DHRSX: variants seen among roughly 807,000 people sequenced by gnomAD.
DHRSX encodes the protein polyprenol dehydrogenase.
DHRSX carries 31 observed loss-of-function variants against 34.0 expected under a neutral mutation model. The observed-to-expected ratio is 0.91, with a 90% CI of 0.69 to 1.23. The LOEUF (loss-of-function observed/expected upper bound fraction) is 1.23, where lower values mean the gene tolerates loss of function less well. DHRSX is among the 50% of genes most tolerant of loss of function. The pLI is 0.00. For missense variants in DHRSX, 414 were observed against 428.1 expected (o/e 0.97, Z 0.29); for synonymous variants, 201 against 183.8 (o/e 1.09, Z -0.76).
At chrX:2,287,661 C>A (rs2041820503) in intron 4 of DHRSX, among the ~76,000 whole-genome samples, 1 of 152,206 alleles carries the variant, frequency 6.6e-6, no homozygotes, top group Non-Finnish European at 1.5e-5. Context: ...CATCCTAATC[C>A]CCATGTGGAA....
At chrX:2,491,996 C>A (rs1412983034) in intron 1 of DHRSX, among the ~76,000 whole-genome samples, 1 of 152,168 alleles carries the variant, frequency 6.6e-6, no homozygotes, top group African/African-American at 2.4e-5. Context: ...AATTGTGTCT[C>A]CAAGTGTCCA....
intron 5 of DHRSX, 41 bp from the exon 6 acceptor site, chrX:2,243,271 T>C (rs1196286776): frequency 6.4e-7 from 1 of 1,574,716 alleles, no homozygotes; most frequent in Non-Finnish European, 8.7e-7. Flanking sequence ...GCTGACGGCG[T>C]TCACGCCTAA....
At chrX:2,492,469 G>A (rs1028872039) in intron 1 of DHRSX, among the ~76,000 whole-genome samples, 3 of 151,168 alleles carry the variant, frequency 2.0e-5, no homozygotes, top group Admixed American at 2.0e-4. Context: ...TTGAACAGTG[G>A]CCCGCAGAAA....
chrX:2,392,961 T>C (rs2043353347), intron 3 of DHRSX, among the ~76,000 whole-genome samples: 1 of 143,562 alleles, frequency 7.0e-6, no homozygotes, highest in South Asian at 2.2e-4. Flanking sequence ...GTATATAATT[T>C]TATATTACAA....
At chrX:2,420,685 G>A (rs1160303399) in intron 2 of DHRSX, among the ~76,000 whole-genome samples, 9 of 151,796 alleles carry the variant, frequency 5.9e-5, no homozygotes, top group Non-Finnish European at 1.0e-4. Context: ...GGAGGTTGAA[G>A]TGAGCTGAGA....
intron 3 of DHRSX, among the ~76,000 whole-genome samples, chrX:2,311,714 T>C (rs1047414681): frequency 1.1e-4 from 17 of 152,176 alleles, no homozygotes; most frequent in Admixed American, 1.1e-3. Flanking sequence ...AGAACAATTC[T>C]GTCTCCAAGG....
At chrX:2,295,657 T>A (rs1459669801) in intron 3 of DHRSX, among the ~76,000 whole-genome samples, 3 of 152,176 alleles carry the variant, frequency 2.0e-5, no homozygotes, top group African/African-American at 7.2e-5. Flanking sequence ...TCATTCTGGA[T>A]AAAATATTAC....
intron 3 of DHRSX, among the ~76,000 whole-genome samples, chrX:2,331,469 C>T (rs1420056840): frequency 6.9e-5 from 3 of 43,198 alleles, no homozygotes; most frequent in Non-Finnish European, 2.0e-4. Flanking sequence ...TTTTTTGAGA[C>T]GGAGTTTTGC....
intron 3 of DHRSX, among the ~76,000 whole-genome samples, chrX:2,314,341 A>AAGGAGGGAGGGAGGGAGGG (rs2042206391): frequency 3.4e-4 from 1 of 2,902 alleles, no homozygotes; most frequent in Non-Finnish European, 7.1e-4. Flanking sequence ...GGAGGGAGGG[A>AAGGAGGGAGGGAGGGAGGG]AAGGAGGGAG....
chrX:2,412,864 G>A (rs1177896937), intron 2 of DHRSX, among the ~76,000 whole-genome samples: 1 of 152,122 alleles, frequency 6.6e-6, no homozygotes, highest in Admixed American at 6.6e-5. Flanking sequence ...TCACCCATAT[G>A]TAGAGTCTCC....
intron 1 of DHRSX, among the ~76,000 whole-genome samples, chrX:2,482,668 T>C (rs2044792414): frequency 6.6e-6 from 1 of 152,332 alleles, no homozygotes; most frequent in Admixed American, 6.5e-5. Flanking sequence ...AACCTAAACA[T>C]AATTCTTAGC....
intron 2 of DHRSX, among the ~76,000 whole-genome samples, chrX:2,415,971 C>G (rs779877800): frequency 2.1e-4 from 32 of 151,314 alleles, no homozygotes; most frequent in African/African-American, 7.0e-4. Context: ...TCATCATGAC[C>G]AACCCAACTA....
intron 3 of DHRSX, among the ~76,000 whole-genome samples, chrX:2,392,965 A>G (rs1416914173): frequency 7.0e-6 from 1 of 143,686 alleles, no homozygotes; most frequent in East Asian, 2.0e-4. Context: ...ATAATTTTAT[A>G]TTACAAATAT....
chrX:2,353,089 A>G (rs1602992577), intron 3 of DHRSX, among the ~76,000 whole-genome samples: 2 of 152,108 alleles, frequency 1.3e-5, no homozygotes, highest in Non-Finnish European at 2.9e-5. Context: ...AAAAAAAAAT[A>G]CAAATATTAG....
At chrX:2,313,006 AT>A (rs113049667) in intron 3 of DHRSX, among the ~76,000 whole-genome samples, 41 of 144,152 alleles carry the variant, frequency 2.8e-4, no homozygotes, top group Admixed American at 3.4e-4. Flanking sequence ...CAAGATATAT[AT>A]TTTTTTTTTT....
At chrX:2,282,764 GA>G in intron 4 of DHRSX, among the ~76,000 whole-genome samples, 2 of 91,064 alleles carry the variant, frequency 2.2e-5, no homozygotes, top group South Asian at 4.1e-4. Context: ...GAAGAGGGGA[GA>G]AAGCGAGGGA....
chrX:2,332,551 G>C (rs1225087125), intron 3 of DHRSX, among the ~76,000 whole-genome samples: 1 of 152,126 alleles, frequency 6.6e-6, no homozygotes, highest in South Asian at 2.1e-4. Flanking sequence ...CTGTGCATTA[G>C]AAATAGGACT....
intron 3 of DHRSX, among the ~76,000 whole-genome samples, chrX:2,342,559 C>A (rs1000105442): frequency 3.3e-5 from 5 of 151,852 alleles, no homozygotes; most frequent in Non-Finnish European, 4.4e-5. Flanking sequence ...ACCATGTCAA[C>A]CCCGCAGATG....
intron 6 of DHRSX, among the ~76,000 whole-genome samples, chrX:2,239,692 C>A (rs1489709129): frequency 6.6e-6 from 1 of 152,074 alleles, no homozygotes; most frequent in Non-Finnish European, 1.5e-5. Flanking sequence ...CGGCATGAAC[C>A]TGGGAGGCGG....
Sources: allele counts gnomAD v4.1 joint callset (sites outside exome capture counted in the v4.1 genomes callset), GRCh38; gene constraint gnomAD v4.1.1; transcripts MANE v1.5; gene names NCBI Gene and HGNC (gene_info 2026-07-23, HGNC 2026-07-21).